The following ZBTB20 variants were observed in gnomAD, a reference collection of about 807,000 sequenced individuals.
ZBTB20 encodes the protein zinc finger and BTB domain-containing protein 20.
In ZBTB20, 9 loss-of-function variants were observed where a neutral mutation model predicts 56.9. That is an observed-to-expected ratio of 0.16 (90% confidence interval 0.10 to 0.28). The LOEUF (loss-of-function observed/expected upper bound fraction) is 0.28. Ranked by LOEUF, ZBTB20 falls within the 10% of genes least tolerant of loss-of-function variation. ZBTB20 has a pLI of 1.00. For missense variants in ZBTB20, 655 were observed against 1,003.0 expected, an observed-to-expected ratio of 0.65 and a Z score of 4.69; for synonymous variants, 417 against 420.7, an observed-to-expected ratio of 0.99 and a Z score of 0.11.
At chr3:114,534,384 G>A (rs2048219332) in intron 6 of ZBTB20, among the ~76,000 whole-genome samples, 1 of 152,118 alleles carries the variant, frequency 6.6e-6, no homozygotes, top group African/African-American at 2.4e-5. Flanking sequence ...GATCAAAAAA[G>A]ACAATGAAGG....
chr3:114,574,711 T>G (rs145233531), intron 6 of ZBTB20, among the ~76,000 whole-genome samples: 1 of 152,192 alleles, frequency 6.6e-6, no homozygotes, highest in Non-Finnish European at 1.5e-5. Context: ...GTTTCTTTGA[T>G]TCTGATTTAT....
intron 1 of ZBTB20, among the ~76,000 whole-genome samples, chr3:115,075,784 A>G (rs2082573974): frequency 6.6e-6 from 1 of 152,288 alleles, no homozygotes; most frequent in East Asian, 1.9e-4. Flanking sequence ...ACCCAGGGCA[A>G]TTAGGAAAGA....
rs532250320 is a variant in ZBTB20 at position 115,026,826 on chromosome 3, C to T, written c.-507+44393G>A. ...AAGTAATTTTATATGAAAAACATTGCGGGAGGAAAATAGAATAAAAAGCAA... is the reference window on the plus strand; with the variant it reads ...AAGTAATTTTATATGAAAAACATTGTGGGAGGAAAATAGAATAAAAAGCAA... On this transcript the variant is annotated intron_variant, in intron 2 of 11. Coordinates refer to ENST00000675478, the MANE Select transcript of ZBTB20 (RefSeq NM_001348800.3). 2.2e-4 allele frequency among the ~76,000 whole-genome samples: 33 copies of T among 149,496 alleles called. 1 individual carries two copies. In the East Asian group the frequency reaches 5.3e-3, roughly 24 times the overall value.
chr3:115,036,776 T>C (rs1668460476), intron 2 of ZBTB20, among the ~76,000 whole-genome samples: 1 of 152,162 alleles, frequency 6.6e-6, no homozygotes, highest in African/African-American at 2.4e-5. Flanking sequence ...GAACTCTTCA[T>C]GGTAATCACT....
rs553006913 is a variant in ZBTB20, at chr3:114,939,086, A to G, written c.-456+35280T>C. Among the ~76,000 whole-genome samples, 54 of 145,926 alleles carry G rather than the reference A, an allele frequency of 3.7e-4. 2 individuals are homozygous for G. The highest frequency in any genetic ancestry group is 4.7e-4 in the Non-Finnish European group (32 of 67,986). On this transcript the variant is annotated intron_variant, in intron 3 of 11. Transcript: ENST00000675478. The stretch of plus-strand genomic sequence containing the variant: ...TGAATGTTGTGGTGGATCCACAGGT[A>G]TAGCAGCTGGAGGCTGTCAATTATC...
intron 5 of ZBTB20, among the ~76,000 whole-genome samples, chr3:114,718,181 C>T (rs953597960): frequency 2.0e-5 from 3 of 152,094 alleles, no homozygotes; most frequent in Non-Finnish European, 2.9e-5. Context: ...CATAAGTGAT[C>T]ATTTACCTAG....
chr3:114,809,959 C>A (rs2072395496), intron 4 of ZBTB20, among the ~76,000 whole-genome samples: 1 of 152,136 alleles, frequency 6.6e-6, no homozygotes, highest in Non-Finnish European at 1.5e-5. Context: ...TGTGTAATTT[C>A]CATTTTCGTT....
intron 6 of ZBTB20, among the ~76,000 whole-genome samples, chr3:114,603,336 G>A (rs1472587117): frequency 6.6e-6 from 1 of 151,944 alleles, no homozygotes; most frequent in Non-Finnish European, 1.5e-5. Context: ...AGCTTATCAA[G>A]TTCTGAGAAC....
intron 5 of ZBTB20, among the ~76,000 whole-genome samples, chr3:114,749,041 C>G (rs1489910704): frequency 1.3e-5 from 2 of 152,094 alleles, no homozygotes; most frequent in Non-Finnish European, 2.9e-5. Context: ...AGGAGGCACT[C>G]GATGAGAAGT....
intron 6 of ZBTB20, among the ~76,000 whole-genome samples, chr3:114,642,568 C>G (rs76949463): frequency 0.016 from 2,464 of 152,012 alleles, 30 homozygotes; most frequent in Middle Eastern, 0.061. Flanking sequence ...AGTTACGGTA[C>G]CACAAAACGA....
intron 6 of ZBTB20, among the ~76,000 whole-genome samples, chr3:114,537,690 T>C (rs7626762): frequency 0.51 from 77,809 of 152,048 alleles, 23,273 homozygotes; most frequent in East Asian, 0.76. Flanking sequence ...TGCACATGTA[T>C]GTTTATTGCA....
At chr3:114,376,410 C>T (rs908877607) in intron 10 of ZBTB20, among the ~76,000 whole-genome samples, 1 of 152,228 alleles carries the variant, frequency 6.6e-6, no homozygotes, top group Non-Finnish European at 1.5e-5. Context: ...ATTAAAATGT[C>T]AGCCTTAATG....
intron 5 of ZBTB20, among the ~76,000 whole-genome samples, chr3:114,795,949 C>T (rs547760186): frequency 1.3e-5 from 2 of 152,142 alleles, no homozygotes; most frequent in Non-Finnish European, 2.9e-5. Flanking sequence ...ATAAGGCATA[C>T]ACATAAAGTG....
chr3:115,038,564 C>T (rs1222519883), intron 2 of ZBTB20, among the ~76,000 whole-genome samples: 3 of 152,044 alleles, frequency 2.0e-5, no homozygotes, highest in African/African-American at 2.4e-5. Context: ...ACTGACTAAA[C>T]TCATCCCAGT....
chr3:114,563,977 T>C (rs971628418), intron 6 of ZBTB20, among the ~76,000 whole-genome samples: 3 of 152,170 alleles, frequency 2.0e-5, no homozygotes, highest in Non-Finnish European at 4.4e-5. Context: ...CCTAAAATCA[T>C]GGTATCAGCA....
intron 4 of ZBTB20, among the ~76,000 whole-genome samples, chr3:114,855,731 C>T (rs2075222054): frequency 6.6e-6 from 1 of 152,204 alleles, no homozygotes; most frequent in Non-Finnish European, 1.5e-5. Flanking sequence ...GGAAGATACA[C>T]TGCTGAGTCT....
At chr3:114,584,947 G>C (rs2055026907) in intron 6 of ZBTB20, among the ~76,000 whole-genome samples, 1 of 152,094 alleles carries the variant, frequency 6.6e-6, no homozygotes, top group Non-Finnish European at 1.5e-5. Context: ...TTTATGAAAA[G>C]GCCAAAGTCT....
chr3:114,895,378 G>A (rs1157094244), intron 4 of ZBTB20, among the ~76,000 whole-genome samples: 1 of 152,156 alleles, frequency 6.6e-6, no homozygotes, highest in Non-Finnish European at 1.5e-5. Flanking sequence ...AAAGGTATCT[G>A]ACTTTCAGAA....
chr3:114,918,599 G>T (rs182083852), intron 3 of ZBTB20, among the ~76,000 whole-genome samples: 2 of 152,252 alleles, frequency 1.3e-5, no homozygotes, highest in African/African-American at 4.8e-5. Flanking sequence ...TGCCAGGGCT[G>T]GGTCCTTCTC....
Sources: gnomAD v4.1 joint callset for allele counts (sites outside exome capture counted in the v4.1 genomes callset) on GRCh38, gnomAD v4.1.1 for gene constraint, MANE v1.5 for transcripts, NCBI Gene and HGNC (gene_info 2026-07-23, HGNC 2026-07-21) for gene names.